Variants in FHOD3 observed in about 807,000 individuals in gnomAD.
FHOD3 encodes the protein FH1/FH2 domain-containing protein 3.
In FHOD3, 90 loss-of-function variants were observed where a neutral mutation model predicts 173.0. That is an observed-to-expected ratio of 0.52 (90% confidence interval 0.44 to 0.62). The LOEUF is 0.62. FHOD3 is among the 20% of genes least tolerant of loss of function. The pLI is 0.00. For missense variants in FHOD3, 1,945 were observed against 2,034.7 expected (o/e 0.96, Z 0.85); for synonymous variants, 828 against 823.0 (o/e 1.01, Z -0.10).
At chr18:36,541,705 T>C (rs1032015650) in intron 5 of FHOD3, among the ~76,000 whole-genome samples, 1 of 152,180 alleles carries the variant, frequency 6.6e-6, no homozygotes, top group Admixed American at 6.5e-5. Context: ...AGGGAGGTTG[T>C]CATGCAGTTG....
intron 10 of FHOD3, among the ~76,000 whole-genome samples, chr18:36,631,153 G>C (rs1190330206): frequency 6.6e-6 from 1 of 152,138 alleles, no homozygotes; most frequent in Non-Finnish European, 1.5e-5. Flanking sequence ...TGTGGGGCAG[G>C]GTGCAGAGAC....
intron 14 of FHOD3, among the ~76,000 whole-genome samples, chr18:36,677,433 G>GCCA (rs1278622399): frequency 1.3e-5 from 2 of 152,178 alleles, no homozygotes; most frequent in Non-Finnish European, 2.9e-5. Context: ...ACAGACATGA[G>GCCA]CCACCATGCC....
chr18:36,571,082 A>G (rs575268645), intron 5 of FHOD3, among the ~76,000 whole-genome samples: 1 of 152,322 alleles, frequency 6.6e-6, no homozygotes, highest in East Asian at 1.9e-4. Flanking sequence ...TCTTTTTCAC[A>G]AACAGCATTA....
chr18:36,376,364 G>A (rs1264493664), intron 3 of FHOD3, among the ~76,000 whole-genome samples: 2 of 152,178 alleles, frequency 1.3e-5, no homozygotes, highest in Non-Finnish European at 2.9e-5. Flanking sequence ...AAACCCTGGC[G>A]ATTGATTCTC....
chr18:36,408,209 T>C (rs2049163305), intron 3 of FHOD3, among the ~76,000 whole-genome samples: 1 of 152,184 alleles, frequency 6.6e-6, no homozygotes, highest in South Asian at 2.1e-4. Context: ...TAAGGTCAGC[T>C]GTGGAGGAAA....
chr18:36,709,184 A>G lies in FHOD3; in HGVS notation c.2326A>G (p.Ile776Val), dbSNP rs1028556081. Residue 776 changes from isoleucine (I) to valine (V), a missense_variant, in exon 18 of 29, where the codon ATA (isoleucine) becomes GTA (valine). Physicochemically the swap from Ile to Val is conservative, Grantham distance 29. This residue lies in a region of FHOD3 where 1,099 missense variants were observed against 1,051.2 expected (regional missense o/e 1.05). Transcript: ENST00000590592. ...GQVADEAGQDIASAHEGAETE... is the reference protein window; with the variant it reads ...GQVADEAGQDVASAHEGAETE... ...GGTTGCTGATGAAGCTGGCCAGGACATAGCCTCTGCCCACGAGGGTGCAGA... is the reference window on the plus strand; with the variant it reads ...GGTTGCTGATGAAGCTGGCCAGGACGTAGCCTCTGCCCACGAGGGTGCAGA... The G allele has an allele frequency of 6.8e-6, 11 of 1,614,182 alleles. No homozygotes were observed. Among genetic ancestry groups the G allele is most frequent in the South Asian group, 1.1e-5 (1 of 91,080 alleles).
chr18:36,531,882 TCA>T (rs1417884349), intron 5 of FHOD3, among the ~76,000 whole-genome samples: 1 of 152,242 alleles, frequency 6.6e-6, no homozygotes, highest in Non-Finnish European at 1.5e-5. Context: ...CCTGTGCGTG[TCA>T]CAGTCTCCCC....
intron 14 of FHOD3, among the ~76,000 whole-genome samples, chr18:36,667,024 T>A (rs2037226974): frequency 6.6e-6 from 1 of 152,216 alleles, no homozygotes; most frequent in African/African-American, 2.4e-5. Flanking sequence ...GTATATACTC[T>A]TTGAGGGGAG....
chr18:36,554,080 A>C (rs917924515), intron 5 of FHOD3, among the ~76,000 whole-genome samples: 1 of 152,152 alleles, frequency 6.6e-6, no homozygotes, highest in Non-Finnish European at 1.5e-5. Context: ...TCAGTGTGGC[A>C]ATTCCTCAAG....
chr18:36,446,693 C>G (rs535384509), intron 3 of FHOD3, among the ~76,000 whole-genome samples: 1 of 152,132 alleles, frequency 6.6e-6, no homozygotes, highest in Non-Finnish European at 1.5e-5. Context: ...CCAGTTCATA[C>G]GCAAACTTGG....
intron 24 of FHOD3, among the ~76,000 whole-genome samples, chr18:36,751,624 T>G (rs1325432025): frequency 6.6e-6 from 1 of 152,190 alleles, no homozygotes; most frequent in African/African-American, 2.4e-5. Context: ...TAGATGGCCC[T>G]TATTATTATA....
intron 10 of FHOD3, among the ~76,000 whole-genome samples, chr18:36,637,533 G>A (rs917995469): frequency 6.6e-6 from 1 of 152,196 alleles, no homozygotes; most frequent in Non-Finnish European, 1.5e-5. Context: ...TGGGATTACA[G>A]GTGTGAGGCA....
rs974065128 is a variant in FHOD3, at chr18:36,655,302, G to C, written c.1721+1886G>C. Among the ~76,000 whole-genome samples, 6 of 152,254 alleles carry C rather than the reference G, an allele frequency of 3.9e-5. No homozygotes were observed. The South Asian group carries it at 1.0e-3, about 26-fold the overall frequency. On this transcript the variant is annotated intron_variant, in intron 13 of 28. Transcript: ENST00000590592. Reference sequence around the variant, plus strand: ...TATGTTGGTGATCTCATCTTTCCCAGAGAGTGTGTTAGCCCACGGTGGTGA... The same window carrying C: ...TATGTTGGTGATCTCATCTTTCCCACAGAGTGTGTTAGCCCACGGTGGTGA...
At chr18:36,572,512 A>G (rs2147912757) in intron 5 of FHOD3, among the ~76,000 whole-genome samples, 1 of 152,350 alleles carries the variant, frequency 6.6e-6, no homozygotes, top group Admixed American at 6.5e-5. Flanking sequence ...GTAGTGGGAA[A>G]GATTTGATTA....
chr18:36,684,016 AT>A (rs1488401815), intron 15 of FHOD3, among the ~76,000 whole-genome samples: 1 of 152,236 alleles, frequency 6.6e-6, no homozygotes, highest in Non-Finnish European at 1.5e-5. Context: ...GAGCCAGGAT[AT>A]CAAGAGAGCA....
At chr18:36,320,697 G>C (rs2044350674) in intron 1 of FHOD3, among the ~76,000 whole-genome samples, 1 of 152,130 alleles carries the variant, frequency 6.6e-6, no homozygotes, top group Non-Finnish European at 1.5e-5. Flanking sequence ...CTGGGTTCCT[G>C]GTATATCTTT....
At chr18:36,357,539 T>C (rs1470791592) in intron 2 of FHOD3, among the ~76,000 whole-genome samples, 1 of 152,186 alleles carries the variant, frequency 6.6e-6, no homozygotes, top group Non-Finnish European at 1.5e-5. Context: ...CAATAGTATG[T>C]GAGAAAGGAT....
rs1481004373 is a variant in FHOD3 at position 36,760,707 on chromosome 18, C to G, written c.4549C>G (p.Leu1517Val). The change falls in exon 27 of 29, where the codon CTG becomes GTG. Residue 1517 changes from leucine (L) to valine (V), a missense_variant. Leu to Val is a conservative substitution (Grantham distance 32). Transcript: ENST00000590592. ...TGAGCACGAGAACATGAAGGCTGTG[C>G]TGAAAACCTCGTCCCCCTCCGTGGA... ...AAEHENMKAV[L>V]KTSSPSVEDA... 5 of 1,613,176 alleles carry G rather than the reference C, an allele frequency of 3.1e-6. No homozygotes were observed. The highest frequency in any genetic ancestry group is 4.2e-6 in the Non-Finnish European group (5 of 1,180,034).
intron 3 of FHOD3, among the ~76,000 whole-genome samples, chr18:36,484,750 C>CG (rs1292703780): frequency 5.3e-5 from 8 of 152,026 alleles, no homozygotes; most frequent in African/African-American, 1.7e-4. Flanking sequence ...TCCAGCCCCC[C>CG]AGGGGGTGTG....
Sources: gnomAD v4.1 joint callset for allele counts (sites outside exome capture counted in the v4.1 genomes callset) on GRCh38, gnomAD v4.1.1 for gene constraint, gnomAD v4.1.1 regional missense constraint, MANE v1.5 for transcripts, NCBI Gene and HGNC (gene_info 2026-07-23, HGNC 2026-07-21) for gene names.